FER: variants seen among roughly 807,000 people sequenced by gnomAD.
FER encodes tyrosine-protein kinase Fer.
In FER, 63 loss-of-function variants were observed where a neutral mutation model predicts 111.0. That is an observed-to-expected ratio of 0.57 (90% CI 0.46 to 0.70). The LOEUF (loss-of-function observed/expected upper bound fraction) is 0.70. FER is among the 30% of genes least tolerant of loss of function. The pLI, the probability that FER is intolerant of heterozygous loss-of-function variation, is 0.00. For missense variants in FER, 914 were observed against 954.0 expected, an observed-to-expected ratio of 0.96 and a Z score of 0.55; for synonymous variants, 327 against 313.9, an observed-to-expected ratio of 1.04 and a Z score of -0.44.
intron 16 of FER, among the ~76,000 whole-genome samples, chr5:109,054,763 T>A (rs1374833275): frequency 6.6e-6 from 1 of 152,192 alleles, no homozygotes; most frequent in East Asian, 1.9e-4. Flanking sequence ...TTTTTGTATA[T>A]AGTGTGGGAA....
At chr5:109,119,308 G>A (rs1015363685) in intron 17 of FER, among the ~76,000 whole-genome samples, 3 of 152,190 alleles carry the variant, frequency 2.0e-5, no homozygotes, top group East Asian at 1.9e-4. Flanking sequence ...TTTCCATGTA[G>A]TTGAGTGGTT....
At chr5:108,993,592 AGAGGGC>A (rs1191636183) in intron 13 of FER, among the ~76,000 whole-genome samples, 16,492 of 124,972 alleles carry the variant, frequency 0.13, 1,016 homozygotes, top group Middle Eastern at 0.17. Flanking sequence ...AGGGAGAGGG[AGAGGGC>A]GAGGGCGAGG....
chr5:108,775,143 TA>T (rs1223336625), intron 2 of FER, among the ~76,000 whole-genome samples: 1 of 152,174 alleles, frequency 6.6e-6, no homozygotes, highest in Admixed American at 6.5e-5. Flanking sequence ...ATTTATTGAC[TA>T]GGAGATCCTT....
intron 16 of FER, among the ~76,000 whole-genome samples, chr5:109,074,651 C>T (rs1353444138): frequency 6.6e-6 from 1 of 152,170 alleles, no homozygotes; most frequent in Non-Finnish European, 1.5e-5. Flanking sequence ...AGAGGGCGGT[C>T]AGGAAACCTG....
At chr5:108,989,652 G>A (rs1762946598) in intron 13 of FER, among the ~76,000 whole-genome samples, 1 of 151,626 alleles carries the variant, frequency 6.6e-6, no homozygotes, top group Admixed American at 6.6e-5. Flanking sequence ...GATTACATTA[G>A]GATTTTCTAA....
intron 1 of FER, among the ~76,000 whole-genome samples, chr5:108,750,653 T>C (rs980659222): frequency 3.9e-5 from 6 of 152,232 alleles, no homozygotes; most frequent in Admixed American, 3.9e-4. Context: ...TCAGAAGAAA[T>C]AATTCAAGCT....
chr5:108,880,080 A>C (rs377015179), intron 8 of FER, among the ~76,000 whole-genome samples: 87 of 152,196 alleles, frequency 5.7e-4, no homozygotes, highest in African/African-American at 2.0e-3. Flanking sequence ...GTAGAATGTA[A>C]GTTTCCTGAA....
At chr5:108,897,451 A>G (rs1581106314) in intron 9 of FER, among the ~76,000 whole-genome samples, 2 of 152,276 alleles carry the variant, frequency 1.3e-5, no homozygotes, top group Middle Eastern at 3.4e-3. Context: ...TTGAATTTGG[A>G]TTTGACTCCA....
At chr5:109,041,388 A>G (rs1010622001) in intron 14 of FER, among the ~76,000 whole-genome samples, 5 of 152,156 alleles carry the variant, frequency 3.3e-5, no homozygotes, top group Non-Finnish European at 5.9e-5. Context: ...AATGACGTAA[A>G]AAGTGATAGA....
At chr5:109,130,371 T>C (rs559119670) in intron 17 of FER, among the ~76,000 whole-genome samples, 3 of 152,232 alleles carry the variant, frequency 2.0e-5, no homozygotes. Context: ...ATCATAACAC[T>C]TATTAAAGAT....
intron 2 of FER, among the ~76,000 whole-genome samples, chr5:108,791,792 T>C (rs1755410157): frequency 6.6e-6 from 1 of 152,162 alleles, no homozygotes; most frequent in Non-Finnish European, 1.5e-5. Flanking sequence ...TATGTTTTAT[T>C]CTGAGAATTT....
intron 10 of FER, among the ~76,000 whole-genome samples, chr5:108,935,637 G>A (rs1755359037): frequency 6.6e-6 from 1 of 152,058 alleles, no homozygotes; most frequent in Non-Finnish European, 1.5e-5. Flanking sequence ...TAAAACTTTG[G>A]TTGTGGGTGA....
intron 13 of FER, among the ~76,000 whole-genome samples, chr5:109,026,368 G>A (rs1438179336): frequency 1.3e-5 from 2 of 151,906 alleles, no homozygotes; most frequent in Admixed American, 6.6e-5. Context: ...CAAATACTCG[G>A]TTACTAAAAG....
At chr5:109,075,311 C>T (rs1776196443) in intron 16 of FER, among the ~76,000 whole-genome samples, 2 of 151,826 alleles carry the variant, frequency 1.3e-5, no homozygotes, top group Non-Finnish European at 2.9e-5. Context: ...TTAATTACAT[C>T]TAGTTGTAAA....
intron 13 of FER, among the ~76,000 whole-genome samples, chr5:108,959,766 G>A (rs887052904): frequency 6.6e-6 from 1 of 151,994 alleles, no homozygotes; most frequent in Non-Finnish European, 1.5e-5. Context: ...TAAGATATTG[G>A]AACTATTAAA....
chr5:109,018,847 C>G (rs534947935), intron 13 of FER, among the ~76,000 whole-genome samples: 1 of 151,416 alleles, frequency 6.6e-6, no homozygotes, highest in Non-Finnish European at 1.5e-5. Flanking sequence ...TATTTTTTCC[C>G]AAGCCCTTGT....
intron 5 of FER, among the ~76,000 whole-genome samples, chr5:108,838,090 A>T (rs1288407214): frequency 6.6e-6 from 1 of 152,180 alleles, no homozygotes; most frequent in African/African-American, 2.4e-5. Flanking sequence ...CTCATATTTA[A>T]ATGAAAAAGT....
chr5:108,994,170 T>G (rs1763697798), intron 13 of FER, among the ~76,000 whole-genome samples: 1 of 152,242 alleles, frequency 6.6e-6, no homozygotes, highest in Admixed American at 6.5e-5. Flanking sequence ...GCAATTGCTT[T>G]TGATATATTA....
At chr5:109,070,480 A>G (rs1414146389) in intron 16 of FER, among the ~76,000 whole-genome samples, 1 of 151,938 alleles carries the variant, frequency 6.6e-6, no homozygotes, top group Non-Finnish European at 1.5e-5. Context: ...AAAACTGTGA[A>G]ATTTAGGTGT....
Sources: allele counts gnomAD v4.1 joint callset (sites outside exome capture counted in the v4.1 genomes callset), GRCh38; gene constraint gnomAD v4.1.1; transcripts MANE v1.5; gene names NCBI Gene and HGNC (gene_info 2026-07-23, HGNC 2026-07-21).